MTMR10: variants seen among roughly 807,000 people sequenced by gnomAD.
MTMR10 encodes myotubularin-related protein 10.
In MTMR10, 56 loss-of-function variants were observed where a neutral mutation model predicts 88.1. That is an observed-to-expected ratio of 0.64 (90% CI 0.51 to 0.79). The LOEUF is 0.79. Among genes scored for constraint, MTMR10 ranks in the 30% least tolerant of loss-of-function variants. The probability of loss-of-function intolerance (pLI) is 0.00; values close to 1 mark genes in which losing one functional copy is unlikely to be tolerated. For missense variants in MTMR10, 883 were observed against 924.7 expected (o/e 0.95, Z 0.58); for synonymous variants, 380 against 340.9 (o/e 1.11, Z -1.26).
intron 15 of MTMR10, chr15:30,942,454 T>G: frequency 3.6e-6 from 1 of 276,306 alleles, no homozygotes. Context: ...TCTGTACCTT[T>G]CAGTAGTCTG....
chr15:30,928,838 A>G, the MTMR10 span: 35 of 956,974 alleles, frequency 3.7e-5, 1 homozygote, highest in Admixed American at 2.0e-3. Flanking sequence ...AGATGTAAGT[A>G]TGTGAAGTTT....
At chr15:30,961,446 G>A (rs530440445) in intron 6 of MTMR10, among the ~76,000 whole-genome samples, 13 of 152,130 alleles carry the variant, frequency 8.5e-5, no homozygotes, top group South Asian at 2.1e-4. Context: ...TCACCATGTT[G>A]GCTAGGCTGC....
intron 2 of MTMR10, among the ~76,000 whole-genome samples, chr15:30,985,177 A>G (rs1382724621): frequency 6.6e-6 from 1 of 152,172 alleles, no homozygotes; most frequent in East Asian, 1.9e-4. Context: ...TACATCCTCA[A>G]TACAAAGCTG....
intron 14 of MTMR10, chr15:30,943,644 C>T (rs1432819664): frequency 2.0e-6 from 2 of 985,304 alleles, no homozygotes; most frequent in African/African-American, 3.5e-5. Flanking sequence ...ACCATGGAGA[C>T]CATGTACACA....
At chr15:30,966,235 C>T (rs1025552405) in intron 6 of MTMR10, among the ~76,000 whole-genome samples, 5 of 152,076 alleles carry the variant, frequency 3.3e-5, no homozygotes, top group Admixed American at 2.6e-4. Flanking sequence ...AATAGTGGAA[C>T]TGAATGATGT....
downstream of MTMR10, among the ~76,000 whole-genome samples, chr15:30,934,057 T>TG (rs1169527047): frequency 4.6e-5 from 7 of 152,184 alleles, no homozygotes; most frequent in Non-Finnish European, 8.8e-5. Context: ...TATTTCTTCT[T>TG]GCGTTTCTAT....
At chr15:30,985,660 C>G (rs1003269882) in intron 2 of MTMR10, among the ~76,000 whole-genome samples, 1 of 152,182 alleles carries the variant, frequency 6.6e-6, no homozygotes, top group Non-Finnish European at 1.5e-5. Flanking sequence ...TAAGGATCCT[C>G]GTTCAAAGTA....
rs1400753259 is a variant in MTMR10 at position 30,942,950 on chromosome 15, G to C, written c.1671C>G (p.Tyr557Ter). 1 of 1,563,794 alleles carries C rather than the reference G, an allele frequency of 6.4e-7. No homozygotes were observed. Among genetic ancestry groups the C allele is most frequent in the Admixed American group, 1.9e-5 (1 of 52,562 alleles). The change falls in exon 15 of 16, where the codon TAC (tyrosine) becomes TAG (stop). Residue 557 changes from tyrosine (Y) to a stop codon, truncating the protein, a stop_gained. Transcript: ENST00000435680. LOFTEE classifies it high-confidence loss of function. The part of the protein sequence containing the change: ...KDRTLFHNPF[Y>*]IGKSTPCIQN... The stretch of plus-strand genomic sequence containing the variant: ...GTATACAAGGTGTGCTCTTTCCAAT[G>C]TAGAAGGGGTTATGGAAAAGGGTGC...
At chr15:30,971,399 TC>T (rs1398613799) in intron 5 of MTMR10, among the ~76,000 whole-genome samples, 2 of 152,092 alleles carry the variant, frequency 1.3e-5, no homozygotes, top group Admixed American at 6.6e-5. Flanking sequence ...GAAACTCAAA[TC>T]CAGGAAACAC....
Position 30,940,622 on chromosome 15 carries a change from C to A in MTMR10, c.*848G>T. 1 of 985,692 alleles carries A rather than the reference C, an allele frequency of 1.0e-6. No homozygotes were observed. Among genetic ancestry groups the A allele is most frequent in the Non-Finnish European group, 1.2e-6 (1 of 830,200 alleles). 61.1% of individuals were successfully genotyped at this position (985,692 alleles called of 1,614,324 possible). On this transcript the variant is annotated 3_prime_UTR_variant, in exon 16 of 16. Transcript: ENST00000435680. ...TTTGGCATAGATGGCACTCTCCTGT[C>A]TACAGCATACACCTCTGTGGAATCA... is the stretch of plus-strand genomic sequence containing the variant.
chr15:30,968,080 T>G, intron 5 of MTMR10, 70 bp from the exon 6 acceptor site: 4 of 1,080,678 alleles, frequency 3.7e-6, no homozygotes, highest in Non-Finnish European at 5.4e-6. Flanking sequence ...AATAAGGCCT[T>G]GGGCACTGGG....
At chr15:30,920,512 T>C in the MTMR10 span, 1 of 1,358,580 alleles carries the variant, frequency 7.4e-7, no homozygotes, top group South Asian at 1.2e-5. Flanking sequence ...ATTAACCAAA[T>C]TATTAAACTA....
chr15:30,943,848 T>G (rs922908918), intron 14 of MTMR10: 1 of 985,420 alleles, frequency 1.0e-6, no homozygotes, highest in South Asian at 4.7e-5. Context: ...ACAGTCACAT[T>G]TAGCAATGTG....
chr15:30,942,854 G>C (rs772649590), intron 15 of MTMR10, 36 bp downstream of exon 15: 7 of 1,529,834 alleles, frequency 4.6e-6, no homozygotes, highest in African/African-American at 1.4e-5. Flanking sequence ...TTGGTTACGT[G>C]TGAGCCAACA....
chr15:30,970,334 A>C (rs2063522441), intron 5 of MTMR10, among the ~76,000 whole-genome samples: 2 of 152,162 alleles, frequency 1.3e-5, no homozygotes, highest in South Asian at 4.1e-4. Flanking sequence ...TATGAATGCT[A>C]AAAGAGAAAA....
Position 30,974,312 on chromosome 15 carries a change from A to G in MTMR10, c.474+2T>C. 3.1e-6 allele frequency: 5 copies of G among 1,594,140 alleles called. No homozygotes were observed. The highest frequency in any genetic ancestry group is 4.3e-6 in the Non-Finnish European group (5 of 1,169,146). On this transcript the variant is annotated splice_donor_variant, in intron 5 of 15. Coordinates refer to ENST00000435680, the MANE Select transcript of MTMR10 (RefSeq NM_017762.3). LOFTEE classifies it high-confidence loss of function. ...GAACTTGATAAACCTTAACAGTATT[A>G]CCTTTTTAGCACTTTCGGGACCTGA...
At position 30,941,648 on chromosome 15, in the gene MTMR10, T is replaced by C. The variant is rs373010409; in HGVS notation, c.2156A>G (p.Asn719Ser). ...GTCGGTGTGGTGAGGGCCGCTGGCG[T>C]TGAAGTACATCCTGCTCTGGCCCAG... ...GELGQSRMYF[N>S]ASGPHHTDTS... Residue 719 changes from asparagine (N) to serine (S), a missense_variant, in exon 16 of 16, where the codon AAC (asparagine) becomes AGC (serine). Around this residue, in one of 3 missense-constraint regions of MTMR10, gnomAD observed 343 missense variants for 323.2 expected, o/e 1.06. Coordinates refer to ENST00000435680, the MANE Select transcript of MTMR10 (RefSeq NM_017762.3). 9 of 1,611,572 alleles carry C rather than the reference T, an allele frequency of 5.6e-6. No homozygotes were observed. The highest frequency in any genetic ancestry group is 7.6e-6 in the Non-Finnish European group (9 of 1,178,922).
At chr15:30,932,719 T>TTC in the MTMR10 span, among the ~76,000 whole-genome samples, 6 of 148,626 alleles carry the variant, frequency 4.0e-5, no homozygotes, top group South Asian at 4.3e-4. Flanking sequence ...TTCTTTTCTT[T>TTC]TTTTTTTTTT....
downstream of MTMR10, among the ~76,000 whole-genome samples, chr15:30,937,983 A>T (rs1296748823): frequency 6.6e-6 from 1 of 151,760 alleles, no homozygotes; most frequent in African/African-American, 2.4e-5. Flanking sequence ...CAAGAGATCG[A>T]GACCATCCTG....
Sources: allele counts gnomAD v4.1 joint callset (sites outside exome capture counted in the v4.1 genomes callset), GRCh38; gene constraint gnomAD v4.1.1; regional missense constraint gnomAD v4.1.1; transcripts MANE v1.5; gene names NCBI Gene and HGNC (gene_info 2026-07-23, HGNC 2026-07-21).